PRKCZ: variants seen among roughly 807,000 people sequenced by gnomAD.
PRKCZ encodes the protein protein kinase C zeta.
A neutral mutation model predicts 79.5 loss-of-function variants in PRKCZ; 33 were observed. The ratio of observed to expected loss-of-function variants is 0.41; its 90% confidence interval spans 0.31 to 0.55. The LOEUF (loss-of-function observed/expected upper bound fraction) is 0.55, where lower values mean the gene tolerates loss of function less well. Ranked by LOEUF, PRKCZ falls within the 20% of genes least tolerant of loss-of-function variation. The pLI, the probability that PRKCZ is intolerant of heterozygous loss-of-function variation, is 0.19. For missense variants in PRKCZ, 578 were observed against 813.5 expected (o/e 0.71, Z 3.52); for synonymous variants, 342 against 320.9 (o/e 1.07, Z -0.70).
rs76394063 is a variant in PRKCZ at position 2,071,487 on chromosome 1, T to C, written c.334+11896T>C. 1,313 of 200,756 alleles carry C rather than the reference T, an allele frequency of 6.5e-3. 63 individuals carry two copies. In the East Asian group the frequency reaches 0.13, roughly 20 times the overall value. 12.4% of individuals were successfully genotyped at this position (200,756 alleles called of 1,614,324 possible). A position where few individuals can be genotyped will look rare whatever the true frequency, so the allele number is the denominator to read the frequency against. On this transcript the variant is annotated intron_variant, in intron 4 of 17. Coordinates refer to ENST00000378567, the MANE Select transcript of PRKCZ (RefSeq NM_002744.6). ...CTATCAACGGATGCCTGTGATTCCC[T>C]GGTATTTATAGGTATGTCTATTGTT...
intron 16 of PRKCZ, among the ~76,000 whole-genome samples, chr1:2,180,823 GC>G (rs1389533639): frequency 6.6e-6 from 1 of 152,098 alleles, no homozygotes; most frequent in African/African-American, 2.4e-5. Context: ...TACCTCCTGG[GC>G]CCAGCCCTGC....
chr1:2,093,289 CCT>C (rs1348919202), intron 4 of PRKCZ, among the ~76,000 whole-genome samples: 2 of 152,224 alleles, frequency 1.3e-5, no homozygotes, highest in South Asian at 2.1e-4. Context: ...CTTCCTGCGC[CCT>C]GTTTACCACC....
chr1:2,072,988 C>T, intron 4 of PRKCZ, among the ~76,000 whole-genome samples: 1 of 152,166 alleles, frequency 6.6e-6, no homozygotes, highest in Non-Finnish European at 1.5e-5. Context: ...AATGCCAGGT[C>T]TCACTTGCCA....
intron 4 of PRKCZ, among the ~76,000 whole-genome samples, chr1:2,112,097 C>T (rs967503664): frequency 6.6e-5 from 10 of 152,332 alleles, no homozygotes; most frequent in African/African-American, 2.4e-4. Context: ...GAGTGAAAAT[C>T]GCTGCAGAAT....
Position 2,127,604 on chromosome 1 carries a change from G to A in PRKCZ, c.335-7658G>A, listed in dbSNP as rs900519031. 2.6e-5 allele frequency among the ~76,000 whole-genome samples: 4 copies of A among 152,246 alleles called. No homozygotes were observed. Among genetic ancestry groups the A allele is most frequent in the African/African-American group, 9.6e-5 (4 of 41,474 alleles). ...CTGTTCAGACAGCTCTGCTGGGAGC[G>A]TTCTGGCCTGAAATGCAGTGGGAGC... On this transcript the variant is annotated intron_variant, in intron 4 of 17. Transcript: ENST00000378567. This position sits in a 1 kb window ranked among gnomAD's most constrained non-coding sequence, Gnocchi z 5.1.
Position 2,082,757 on chromosome 1 carries a change from G to T in PRKCZ, c.334+23166G>T, listed in dbSNP as rs28436686. 6.6e-6 allele frequency among the ~76,000 whole-genome samples: 1 copy of T among 151,212 alleles called. No homozygotes were observed. The highest frequency in any genetic ancestry group is 1.5e-5 in the Non-Finnish European group (1 of 67,780). ...GTTCCATTTGTTTTTTTGCCTGAGC[G>T]TCCGGGGGTGGCTTTGAGGACACCT... On this transcript the variant is annotated intron_variant, in intron 4 of 17. Transcript: ENST00000378567. This position sits in a 1 kb window ranked among gnomAD's most constrained non-coding sequence, Gnocchi z 4.4.
chr1:2,071,503 G>C (rs1179744615), intron 4 of PRKCZ: 10 of 178,208 alleles, frequency 5.6e-5, no homozygotes, highest in Non-Finnish European at 9.9e-5. Flanking sequence ...TTATAGGTAT[G>C]TCTATTGTTT....
chr1:2,084,602 G>C (rs982418529), intron 4 of PRKCZ, among the ~76,000 whole-genome samples: 1 of 152,252 alleles, frequency 6.6e-6, no homozygotes, highest in African/African-American at 2.4e-5. Flanking sequence ...ACTGTGGATG[G>C]GGGTGAGTGG....
intron 4 of PRKCZ, among the ~76,000 whole-genome samples, chr1:2,104,075 G>A (rs972652712): frequency 2.0e-5 from 3 of 152,134 alleles, no homozygotes; most frequent in African/African-American, 7.2e-5. Context: ...AGCAGGGGAG[G>A]GGGGTCTTCC....
At chr1:2,158,450 G>A (rs112944128) in intron 10 of PRKCZ, among the ~76,000 whole-genome samples, 20 of 152,336 alleles carry the variant, frequency 1.3e-4, no homozygotes, top group Admixed American at 1.0e-3. Flanking sequence ...TGCGCCTGAC[G>A]GCTCTGTCCC....
At chr1:2,050,258 G>A (rs922305452), upstream of PRKCZ, among the ~76,000 whole-genome samples, 2 of 151,688 alleles carry the variant, frequency 1.3e-5, no homozygotes, top group African/African-American at 4.8e-5. Context: ...AGGTAGCCCC[G>A]CCCGCGCCTC....
chr1:2,163,103 C>T (rs1682632303), intron 10 of PRKCZ, among the ~76,000 whole-genome samples: 1 of 152,240 alleles, frequency 6.6e-6, no homozygotes, highest in African/African-American at 2.4e-5. Context: ...GTGGCCAGCA[C>T]CTGCCTCACT....
rs557103387 is a variant in PRKCZ at position 2,148,822 on chromosome 1, G to C, written c.635-50G>C. The C allele has an allele frequency of 7.6e-6, 12 of 1,585,088 alleles. No homozygotes were observed. The Admixed American group carries it at 1.8e-4, about 24-fold the overall frequency. The stretch of plus-strand genomic sequence containing the variant: ...TCCACAGGGTCGCTGTGTTCCCAGT[G>C]CGTTCCTGACCACACCGTAACGCCC... On this transcript the variant is annotated intron_variant, in intron 7 of 17. Transcript: ENST00000378567.
intron 4 of PRKCZ, among the ~76,000 whole-genome samples, chr1:2,112,032 C>G (rs1669840476): frequency 6.6e-6 from 1 of 152,198 alleles, no homozygotes. Flanking sequence ...CGGGACAAGT[C>G]ATTTTCATGA....
rs2102405233 is a variant in PRKCZ at position 2,082,779 on chromosome 1, A to T, written c.334+23188A>T. Among the ~76,000 whole-genome samples, 1 of 151,156 alleles carries T rather than the reference A, an allele frequency of 6.6e-6. No individual in the cohort carries two copies. Among genetic ancestry groups the T allele is most frequent in the African/African-American group, 2.4e-5 (1 of 41,172 alleles). On this transcript the variant is annotated intron_variant, in intron 4 of 17. Coordinates refer to ENST00000378567, the MANE Select transcript of PRKCZ (RefSeq NM_002744.6). This position sits in a 1 kb window ranked among gnomAD's most constrained non-coding sequence, Gnocchi z 4.4. ...AGCGTCCGGGGGTGGCTTTGAGGACACCTGTCCTCCTTCACAGGGGCACTC... is the reference window on the plus strand; with the variant it reads ...AGCGTCCGGGGGTGGCTTTGAGGACTCCTGTCCTCCTTCACAGGGGCACTC...
At chr1:2,057,289 G>A (rs1416385604) in intron 3 of PRKCZ, among the ~76,000 whole-genome samples, 1 of 152,192 alleles carries the variant, frequency 6.6e-6, no homozygotes, top group East Asian at 1.9e-4. Context: ...CTTTAGGTGG[G>A]CGTGGGCTCC....
chr1:2,157,262 G>C (rs1248374185), intron 10 of PRKCZ, among the ~76,000 whole-genome samples: 1 of 152,304 alleles, frequency 6.6e-6, no homozygotes, highest in African/African-American at 2.4e-5. Context: ...CCCTCAACAG[G>C]CATGCCCGGA....
chr1:2,073,973 G>C, intron 4 of PRKCZ: 1 of 1,393,444 alleles, frequency 7.2e-7, no homozygotes, highest in Non-Finnish European at 9.3e-7. Flanking sequence ...GCGCCCCCGG[G>C]GCCGGGCCAG....
rs117587152 is a variant in PRKCZ, at chr1:2,130,679, C to G, written c.335-4583C>G. On this transcript the variant is annotated intron_variant, in intron 4 of 17. Coordinates refer to ENST00000378567, the MANE Select transcript of PRKCZ (RefSeq NM_002744.6). ...GAGCTCAGCCTTTGCTCTGTGGAGG[C>G]CTTTTTCTGCTTGGGTGAGGCCCAC... Among the ~76,000 whole-genome samples the G allele has an allele frequency of 3.1e-3, 476 of 151,926 alleles. 12 individuals carry two copies. The East Asian group carries it at 0.067, about 21-fold the overall frequency.
Sources: gnomAD v4.1 joint callset for allele counts (sites outside exome capture counted in the v4.1 genomes callset) on GRCh38, gnomAD v4.1.1 for gene constraint, Gnocchi (gnomAD v3.1) non-coding constraint, MANE v1.5 for transcripts, NCBI Gene and HGNC (gene_info 2026-07-23, HGNC 2026-07-21) for gene names.